The following CD99 variants were observed in gnomAD, a reference collection of about 807,000 sequenced individuals.
CD99 encodes CD99 antigen.
In CD99, 19 loss-of-function variants were observed where a neutral mutation model predicts 28.4. That is an observed-to-expected ratio of 0.67 (90% CI 0.47 to 0.98). The LOEUF is 0.98. Among genes scored for constraint, CD99 ranks in the 50% least tolerant of loss-of-function variants. CD99 has a pLI of 0.00. For synonymous variants in CD99, 103 were observed against 92.1 expected, an observed-to-expected ratio of 1.12 and a Z score of -0.67; for missense variants, 283 against 248.8, an observed-to-expected ratio of 1.14 and a Z score of -0.92.
At chrX:2,704,242 A>G (rs1247773845) in intron 1 of CD99, among the ~76,000 whole-genome samples, 1 of 152,126 alleles carries the variant, frequency 6.6e-6, no homozygotes, top group Non-Finnish European at 1.5e-5. Context: ...TGGCACACGA[A>G]CAAAAGAAAG....
chrX:2,717,419 G>C, intron 2 of CD99, 186 bp from the exon 3 acceptor site: 1 of 596,870 alleles, frequency 1.7e-6, no homozygotes, highest in African/African-American at 1.9e-5. Context: ...AGCAGCCTCT[G>C]TGTCTGTCTT....
At chrX:2,711,836 T>TCAAGAC (rs1351933049) in intron 1 of CD99, among the ~76,000 whole-genome samples, 1 of 151,916 alleles carries the variant, frequency 6.6e-6, no homozygotes, top group Non-Finnish European at 1.5e-5. Flanking sequence ...GGTCAGGAGT[T>TCAAGAC]CAAGACCAGC....
intron 7 of CD99, among the ~76,000 whole-genome samples, chrX:2,725,775 G>C (rs1230700606): frequency 1.3e-5 from 2 of 152,040 alleles, no homozygotes; most frequent in African/African-American, 4.8e-5. Flanking sequence ...CCTTACTCCC[G>C]GCTAATTTTT....
chrX:2,726,347 A>C lies in CD99; in HGVS notation c.449A>C (p.Lys150Thr). The C allele has an allele frequency of 6.2e-7, 1 of 1,609,816 alleles. No homozygotes were observed. The highest frequency in any genetic ancestry group is 8.5e-7 in the Non-Finnish European group (1 of 1,177,266). Residue 150 changes from lysine to threonine, a missense_variant, in exon 8 of 10, where the codon AAA (lysine) becomes ACA (threonine). Lys to Thr is a moderately conservative substitution (Grantham distance 78). Coordinates refer to ENST00000381192, the MANE Select transcript of CD99 (RefSeq NM_002414.5). ...ATCTCTAGCTTCATTGCTTACCAGA[A>C]AAAGAAGCTATGCTTCAAAGAAAAT... ...GAISSFIAYQ[K>T]KKLCFKENAE...
chrX:2,731,818 A>G (rs2049623114), intron 8 of CD99, among the ~76,000 whole-genome samples: 1 of 152,048 alleles, frequency 6.6e-6, no homozygotes, highest in African/African-American at 2.4e-5. Flanking sequence ...TTTACTGAGA[A>G]GCTTTGCAGT....
At position 2,717,579 on chromosome X, in the gene CD99, C is replaced by G. The variant is rs7049560; in HGVS notation, c.101-26C>G. 14,918 of 1,598,162 alleles carry G rather than the reference C, an allele frequency of 9.3e-3. 158 individuals are homozygous for G. The highest frequency in any genetic ancestry group is 0.036 in the South Asian group (3,240 of 90,642). On this transcript the variant is annotated intron_variant, in intron 2 of 9. Coordinates refer to ENST00000381192, the MANE Select transcript of CD99 (RefSeq NM_002414.5). ...CTTGTTTTCCCAGCTGCAACTTTTA[C>G]TAACTGAAATATCTTATCTCTTTAG...
In CD99 at chrX:2,719,643, C is replaced by T. The variant is rs1294005488; in HGVS notation, c.149-18C>T. ...TCTCTCTGGAATTTGGTATTAACTGCTCTTTCCCCTCTTTTAGGGGATGAC... is the reference window on the plus strand; with the variant it reads ...TCTCTCTGGAATTTGGTATTAACTGTTCTTTCCCCTCTTTTAGGGGATGAC... On this transcript the variant is annotated intron_variant, in intron 3 of 9. Coordinates refer to ENST00000381192, the MANE Select transcript of CD99 (RefSeq NM_002414.5). The T allele has an allele frequency of 1.2e-6, 2 of 1,612,264 alleles. No individual in the cohort carries two copies. The highest frequency in any genetic ancestry group is 1.3e-5 in the African/African-American group (1 of 74,996).
chrX:2,709,753 C>T (rs1248384599), intron 1 of CD99, among the ~76,000 whole-genome samples: 1 of 152,244 alleles, frequency 6.6e-6, no homozygotes, highest in Non-Finnish European at 1.5e-5. Flanking sequence ...CATAGACATG[C>T]ACACGTATAC....
intron 8 of CD99, chrX:2,733,518 C>G: frequency 7.2e-6 from 6 of 831,716 alleles, no homozygotes; most frequent in Non-Finnish European, 1.2e-5. Context: ...GATTCTCAAT[C>G]ACATGGCGGA....
At chrX:2,699,857 A>C (rs778263950) in intron 1 of CD99, among the ~76,000 whole-genome samples, 2 of 152,216 alleles carry the variant, frequency 1.3e-5, no homozygotes, top group Admixed American at 1.3e-4. Context: ...TCCCTCCTAC[A>C]TGAGATTTCC....
chrX:2,707,009 C>A (rs1436734579), intron 1 of CD99, among the ~76,000 whole-genome samples: 6 of 151,960 alleles, frequency 3.9e-5, no homozygotes, highest in African/African-American at 1.5e-4. Flanking sequence ...ATGTGAAACA[C>A]CTGAATGATG....
chrX:2,709,857 G>C (rs1301869767), intron 1 of CD99, among the ~76,000 whole-genome samples: 1 of 152,138 alleles, frequency 6.6e-6, no homozygotes, highest in African/African-American at 2.4e-5. Flanking sequence ...CAAGAAGCAT[G>C]GACCTAAACC....
intron 1 of CD99, among the ~76,000 whole-genome samples, chrX:2,703,586 TTAAC>T (rs2047972021): frequency 1.3e-5 from 2 of 149,892 alleles, no homozygotes; most frequent in Admixed American, 6.7e-5. Context: ...AAAGCTGTAA[TTAAC>T]AAACCGAGCT....
intron 8 of CD99, among the ~76,000 whole-genome samples, chrX:2,737,304 A>G (rs1367265928): frequency 6.6e-6 from 1 of 151,154 alleles, no homozygotes; most frequent in African/African-American, 2.4e-5. Context: ...CAGCCTCCCA[A>G]GTAGCGGGGA....
intron 1 of CD99, among the ~76,000 whole-genome samples, chrX:2,699,901 A>C (rs1249592274): frequency 4.6e-5 from 7 of 152,166 alleles, no homozygotes; most frequent in Non-Finnish European, 1.0e-4. Context: ...TGTCTATGCC[A>C]TGGATTACAT....
At chrX:2,713,532 A>T (rs990253882) in intron 1 of CD99, among the ~76,000 whole-genome samples, 3 of 152,116 alleles carry the variant, frequency 2.0e-5, no homozygotes, top group Non-Finnish European at 2.9e-5. Context: ...CCAAATATAC[A>T]TGCACACTCA....
chrX:2,726,491 G>A (rs1441290438), intron 8 of CD99, 118 bp downstream of exon 8: 4 of 736,564 alleles, frequency 5.4e-6, no homozygotes, highest in Non-Finnish European at 9.9e-6. Context: ...GATGGCTGAT[G>A]GTTCGTGAAA....
At chrX:2,722,257 A>G (rs1323796524) in intron 5 of CD99, among the ~76,000 whole-genome samples, 3 of 152,110 alleles carry the variant, frequency 2.0e-5, no homozygotes, top group Non-Finnish European at 2.9e-5. Flanking sequence ...TCATTTATTT[A>G]CAGACATAAA....
intron 8 of CD99, among the ~76,000 whole-genome samples, chrX:2,735,743 G>A (rs1256951437): frequency 6.6e-6 from 1 of 152,060 alleles, no homozygotes; most frequent in Non-Finnish European, 1.5e-5. Context: ...GAACATTTTC[G>A]GATCATTTCG....
Sources: allele counts gnomAD v4.1 joint callset (sites outside exome capture counted in the v4.1 genomes callset), GRCh38; gene constraint gnomAD v4.1.1; transcripts MANE v1.5; gene names NCBI Gene and HGNC (gene_info 2026-07-23, HGNC 2026-07-21).